MICU1: variants seen among roughly 807,000 people sequenced by gnomAD.
MICU1 encodes the protein mitochondrial calcium uptake 1.
A neutral mutation model predicts 56.8 loss-of-function variants in MICU1; 45 were observed. The ratio of observed to expected loss-of-function variants is 0.79; its 90% confidence interval spans 0.62 to 1.02. The LOEUF is 1.02. Among genes scored for constraint, MICU1 ranks in the 50% least tolerant of loss-of-function variants. The pLI is 0.00. For synonymous variants in MICU1, 186 were observed against 195.1 expected (o/e 0.95, Z 0.39); for missense variants, 504 against 587.1 (o/e 0.86, Z 1.46).
chr10:72,530,507 T>G (rs1484861201), intron 5 of MICU1, among the ~76,000 whole-genome samples: 1 of 152,004 alleles, frequency 6.6e-6, no homozygotes, highest in Non-Finnish European at 1.5e-5. Flanking sequence ...TAGTCTCATA[T>G]TTTCAAAATA....
chr10:72,508,088 T>C (rs1366434043), intron 6 of MICU1, 67 bp downstream of exon 6: 4 of 717,158 alleles, frequency 5.6e-6, no homozygotes, highest in African/African-American at 1.8e-5. Flanking sequence ...TTTATAAACA[T>C]ATAAACAATT....
intron 5 of MICU1, among the ~76,000 whole-genome samples, chr10:72,523,564 T>C (rs1867884923): frequency 6.6e-6 from 1 of 151,984 alleles, no homozygotes. Flanking sequence ...ATAGAAAAAA[T>C]GTACTGTAAA....
At position 72,566,693 on chromosome 10, in the gene MICU1, A is replaced by C; in HGVS notation, c.101T>G (p.Met34Arg). 6.2e-7 allele frequency: 1 copy of C among 1,613,056 alleles called. No individual in the cohort carries two copies. Among genetic ancestry groups the C allele is most frequent in the Non-Finnish European group, 8.5e-7 (1 of 1,179,520 alleles). The change falls in exon 2 of 12, where the codon ATG (methionine) becomes AGG (arginine). Residue 34 changes from methionine (M) to arginine (R), a missense_variant. Coordinates refer to ENST00000361114, the MANE Select transcript of MICU1 (RefSeq NM_001195518.2). ...SQPIQIRRRL[M>R]MVAFLGASAV... ...AGATGCTCCCAGGAAAGCCACCATC[A>C]TTAGTCTTCGCCGGATCTGGATGGG...
At chr10:72,532,625 T>G (rs1038228356) in intron 5 of MICU1, among the ~76,000 whole-genome samples, 1 of 152,170 alleles carries the variant, frequency 6.6e-6, no homozygotes, top group African/African-American at 2.4e-5. Flanking sequence ...AAGATGAAGC[T>G]GTCCCAAAGC....
intron 6 of MICU1, among the ~76,000 whole-genome samples, chr10:72,498,616 C>A (rs553714171): frequency 6.6e-6 from 1 of 151,892 alleles, no homozygotes; most frequent in Non-Finnish European, 1.5e-5. Flanking sequence ...AAAAAAGAAG[C>A]CTTCGGATTT....
intron 8 of MICU1, among the ~76,000 whole-genome samples, chr10:72,463,036 A>C (rs565529509): frequency 6.6e-6 from 1 of 152,322 alleles, no homozygotes; most frequent in Admixed American, 6.5e-5. Flanking sequence ...CTGCAAATCA[A>C]AGAAAAATAT....
At chr10:72,532,736 C>T (rs1286327104) in intron 5 of MICU1, 6 of 360,386 alleles carry the variant, frequency 1.7e-5, no homozygotes, top group Non-Finnish European at 2.3e-5. Flanking sequence ...AGGATATTCA[C>T]AGATGGAGGC....
intron 8 of MICU1, among the ~76,000 whole-genome samples, chr10:72,470,858 T>G (rs1039680587): frequency 1.3e-5 from 2 of 152,206 alleles, no homozygotes; most frequent in African/African-American, 4.8e-5. Context: ...TCTCCTCACA[T>G]GAGGAACTGC....
intron 1 of MICU1, among the ~76,000 whole-genome samples, chr10:72,597,670 C>T (rs1331533783): frequency 6.6e-6 from 1 of 152,126 alleles, no homozygotes; most frequent in African/African-American, 2.4e-5. Flanking sequence ...ACATGAAATT[C>T]ATTTATGCTT....
intron 1 of MICU1, among the ~76,000 whole-genome samples, chr10:72,613,374 A>C (rs1024983447): frequency 1.3e-5 from 2 of 151,450 alleles, no homozygotes; most frequent in Admixed American, 6.6e-5. Flanking sequence ...CCTAGGTTTA[A>C]GTAGTCCTCC....
intron 10 of MICU1, among the ~76,000 whole-genome samples, chr10:72,395,105 G>A (rs564187429): frequency 5.3e-5 from 8 of 152,258 alleles, no homozygotes; most frequent in Admixed American, 2.6e-4. Context: ...CATGAACCCA[G>A]GAGGCGGTGC....
intron 9 of MICU1, among the ~76,000 whole-genome samples, chr10:72,412,862 A>G (rs1290891497): frequency 6.6e-6 from 1 of 150,980 alleles, no homozygotes; most frequent in African/African-American, 2.4e-5. Flanking sequence ...CAGAAAAAAA[A>G]AAAAAAAAAG....
intron 4 of MICU1, among the ~76,000 whole-genome samples, chr10:72,535,720 T>A (rs1265894560): frequency 6.6e-6 from 1 of 152,106 alleles, no homozygotes; most frequent in African/African-American, 2.4e-5. Context: ...AGAATCAGAA[T>A]AGAATCAGAT....
intron 11 of MICU1, among the ~76,000 whole-genome samples, chr10:72,375,194 T>C (rs1862477888): frequency 6.6e-6 from 1 of 152,210 alleles, no homozygotes; most frequent in African/African-American, 2.4e-5. Context: ...AGATTAACTT[T>C]CTGGCTCATA....
intron 9 of MICU1, among the ~76,000 whole-genome samples, chr10:72,418,407 G>C (rs559304854): frequency 5.9e-5 from 9 of 152,246 alleles, no homozygotes; most frequent in Non-Finnish European, 8.8e-5. Context: ...CTGCTTTACA[G>C]GAAGAGTATG....
intron 6 of MICU1, among the ~76,000 whole-genome samples, chr10:72,482,868 TA>T (rs1230109684): frequency 6.7e-6 from 1 of 150,150 alleles, no homozygotes; most frequent in East Asian, 1.9e-4. Flanking sequence ...TATTTTATTT[TA>T]TTTTTTTACA....
chr10:72,623,393 G>T (rs1041399779), intron 1 of MICU1, among the ~76,000 whole-genome samples: 1 of 150,648 alleles, frequency 6.6e-6, no homozygotes, highest in Non-Finnish European at 1.5e-5. Flanking sequence ...GAAAAGAAAA[G>T]AAAGAAAAAG....
chr10:72,500,280 A>ATT lies in MICU1; in HGVS notation c.652+7874_652+7875insAA, dbSNP rs1554881678. 7.2e-3 allele frequency among the ~76,000 whole-genome samples: 168 copies of ATT among 23,468 alleles called. 4 individuals are homozygous for ATT. The highest frequency in any genetic ancestry group is 0.023 in the African/African-American group (166 of 7,242). The allele number at this position is 23,468 out of a possible 152,430, so 15.4% of individuals were successfully genotyped here. On this transcript the variant is annotated intron_variant, in intron 6 of 11. Transcript: ENST00000361114. Reference sequence around the variant, plus strand: ...TACATACATATATATATATATATATATATATATATATATATATATATATTT... The same window carrying ATT: ...TACATACATATATATATATATATATATTTATATATATATATATATATATATTT...
At chr10:72,399,646 A>T (rs913493569) in intron 10 of MICU1, among the ~76,000 whole-genome samples, 11 of 151,812 alleles carry the variant, frequency 7.2e-5, no homozygotes, top group African/African-American at 2.7e-4. Context: ...ACTCCATCTC[A>T]AAAAATAAAA....
Sources: gnomAD v4.1 joint callset for allele counts (sites outside exome capture counted in the v4.1 genomes callset) on GRCh38, gnomAD v4.1.1 for gene constraint, MANE v1.5 for transcripts, NCBI Gene and HGNC (gene_info 2026-07-23, HGNC 2026-07-21) for gene names.